Variants in TESMIN observed in about 807,000 individuals in gnomAD.
TESMIN encodes the protein testis expressed metallothionein like protein.
Under a neutral mutation model 47.4 loss-of-function variants are expected in TESMIN, and 34 were observed. The observed-to-expected ratio is 0.72, with a 90% CI of 0.55 to 0.96. The LOEUF is 0.96. Among genes scored for constraint, TESMIN ranks in the 40% least tolerant of loss-of-function variants. TESMIN has a pLI of 0.00. For missense variants in TESMIN, 610 were observed against 637.2 expected, an observed-to-expected ratio of 0.96 and a Z score of 0.46; for synonymous variants, 278 against 258.9, an observed-to-expected ratio of 1.07 and a Z score of -0.71.
intron 9 of TESMIN, among the ~76,000 whole-genome samples, chr11:68,708,759 T>C (rs1055413200): frequency 1.9e-4 from 5 of 25,670 alleles, no homozygotes; most frequent in Non-Finnish European, 3.6e-4. Flanking sequence ...AGTGAGACCC[T>C]TTTTTTTTTT....
intron 6 of TESMIN, among the ~76,000 whole-genome samples, chr11:68,730,415 A>C (rs1452784941): frequency 6.6e-6 from 1 of 152,256 alleles, no homozygotes; most frequent in Non-Finnish European, 1.5e-5. Context: ...TGCTTTAAAA[A>C]ATGATGTAGC....
chr11:68,713,465 A>G (rs899638768), intron 7 of TESMIN, 58 bp from the exon 8 acceptor site: 1 of 1,579,056 alleles, frequency 6.3e-7, no homozygotes. Context: ...ACTCAGCTCA[A>G]TGAAGGGCAT....
At chr11:68,743,548 A>G (rs752709714) in intron 4 of TESMIN, among the ~76,000 whole-genome samples, 50 of 152,088 alleles carry the variant, frequency 3.3e-4, no homozygotes, top group Non-Finnish European at 5.2e-4. Context: ...GGCAGCCAGC[A>G]CTACTTTCGA....
Position 68,750,529 on chromosome 11 carries a change from G to T in TESMIN, c.132C>A (p.Asp44Glu). The T allele has an allele frequency of 6.2e-7, 1 of 1,605,026 alleles. No individual in the cohort carries two copies. The change falls in exon 2 of 10, where the codon GAC becomes GAA. Residue 44 changes from aspartate to glutamate, a missense_variant. By Grantham distance (45) the Asp-to-Glu change is conservative (BLOSUM62 2). Coordinates refer to ENST00000255087, the MANE Select transcript of TESMIN (RefSeq NM_004923.3). Reference sequence around the variant, plus strand: ...ACGCTTCTTTGAAGACGTGGAACTCGTCCTCCTCGTACTTCACGGGGGCCT... The same window carrying T: ...ACGCTTCTTTGAAGACGTGGAACTCTTCCTCCTCGTACTTCACGGGGGCCT... ...GLKAPVKYEE[D>E]EFHVFKEAYL... is the part of the protein sequence containing the mutation.
chr11:68,713,335 G>A lies in TESMIN; in HGVS notation c.1093C>T (p.Gln365Ter). The A allele has an allele frequency of 6.2e-7, 1 of 1,614,116 alleles. No homozygotes were observed. Among genetic ancestry groups the A allele is most frequent in the Non-Finnish European group, 8.5e-7 (1 of 1,180,014 alleles). Residue 365 changes from glutamine (Q) to a stop codon, truncating the protein, a stop_gained, in exon 8 of 10, where the codon CAG becomes TAG. Transcript: ENST00000255087. LOFTEE classifies it high-confidence loss of function. ...CTGCAGTTGCACCCTTTGTTGTGCT[G>A]GGGCTTGACATTGCCCAATTGGCCC... ...GKGQLGNVKP[Q>*]HNKGCNCRRS...
chr11:68,725,433 T>C (rs748108640), intron 6 of TESMIN, among the ~76,000 whole-genome samples: 4 of 152,174 alleles, frequency 2.6e-5, no homozygotes, highest in Non-Finnish European at 4.4e-5. Context: ...AAAGACGCTG[T>C]CCTGGAGGTG....
At position 68,708,488 on chromosome 11, in the gene TESMIN, T is replaced by G. The variant is rs1946023566; in HGVS notation, c.1347A>C (p.Ser449=). 1 of 1,608,392 alleles carries G rather than the reference T, an allele frequency of 6.2e-7. No homozygotes were observed. Among genetic ancestry groups the G allele is most frequent in the Admixed American group, 1.7e-5 (1 of 58,842 alleles). ...PRFSHDRRPS[S]CISWEVVEAT... ...CCTCCACCACCTCCCAGGAGATGCA[T>G]GAGGAAGGCCGCCTGTCAGAAACAG... is the stretch of plus-strand genomic sequence containing the variant. Residue 449 remains serine (S), a synonymous_variant, in exon 10 of 10, where the codon TCA becomes TCC. Coordinates refer to ENST00000255087, the MANE Select transcript of TESMIN (RefSeq NM_004923.3).
At chr11:68,722,542 A>G (rs902748038) in intron 6 of TESMIN, among the ~76,000 whole-genome samples, 2 of 152,224 alleles carry the variant, frequency 1.3e-5, no homozygotes. Context: ...AAAAGTTGTT[A>G]CAAATAAGTC....
chr11:68,738,341 A>G (rs1330417257), intron 6 of TESMIN: 8 of 1,019,796 alleles, frequency 7.8e-6, no homozygotes, highest in African/African-American at 6.9e-5. Flanking sequence ...CTGCCACACC[A>G]TTATTTCCAC....
rs61086251 is a variant in TESMIN at position 68,746,830 on chromosome 11, G to C, written c.630+378C>G. 8.5e-3 allele frequency among the ~76,000 whole-genome samples: 1,296 copies of C among 152,298 alleles called. 18 individuals are homozygous for C. The highest frequency in any genetic ancestry group is 0.03 in the African/African-American group (1,246 of 41,550). On this transcript the variant is annotated intron_variant, in intron 3 of 9. Coordinates refer to ENST00000255087, the MANE Select transcript of TESMIN (RefSeq NM_004923.3). ...ATACAAGCGTTACCTGTTATCATGAGAGATTGGGACACGAAGGAAGCAGGC... is the reference window on the plus strand; with the variant it reads ...ATACAAGCGTTACCTGTTATCATGACAGATTGGGACACGAAGGAAGCAGGC...
intron 1 of TESMIN, 37 bp from the exon 2 acceptor site, chr11:68,750,736 GAGGACGA>G: frequency 8.9e-7 from 1 of 1,121,292 alleles, no homozygotes; most frequent in Non-Finnish European, 1.2e-6. Flanking sequence ...AGCCAGAGGA[GAGGACGA>G]GGGGAGGGGC....
chr11:68,747,406 G>C (rs1946535993), intron 2 of TESMIN, 40 bp from the exon 3 acceptor site: 1 of 1,544,662 alleles, frequency 6.5e-7, no homozygotes. Flanking sequence ...ACACATGGTG[G>C]ACACTGGCTC....
At chr11:68,717,564 AT>A (rs964938615) in intron 6 of TESMIN, among the ~76,000 whole-genome samples, 5 of 152,214 alleles carry the variant, frequency 3.3e-5, no homozygotes, top group African/African-American at 7.2e-5. Flanking sequence ...GTGACAGAAG[AT>A]TTGGACACCA....
At chr11:68,713,654 G>T (rs1428025232) in intron 7 of TESMIN, among the ~76,000 whole-genome samples, 1 of 152,048 alleles carries the variant, frequency 6.6e-6, no homozygotes, top group African/African-American at 2.4e-5. Context: ...CATATTTACT[G>T]TAAAAAAATA....
At chr11:68,732,226 T>C (rs1240503407) in intron 6 of TESMIN, among the ~76,000 whole-genome samples, 2 of 152,240 alleles carry the variant, frequency 1.3e-5, no homozygotes, top group African/African-American at 4.8e-5. Flanking sequence ...GTTCCAATGC[T>C]GACCGAGTGC....
At chr11:68,711,371 ATGTG>A (rs1359574210) in intron 8 of TESMIN, among the ~76,000 whole-genome samples, 2 of 149,900 alleles carry the variant, frequency 1.3e-5, no homozygotes, top group African/African-American at 4.9e-5. Flanking sequence ...GGGTTTGGGT[ATGTG>A]TGTGTATATG....
chr11:68,721,097 T>C (rs540023080), intron 6 of TESMIN, among the ~76,000 whole-genome samples: 6 of 152,334 alleles, frequency 3.9e-5, no homozygotes, highest in African/African-American at 1.2e-4. Flanking sequence ...ATGTTTCCCA[T>C]GTAAATAGAT....
At chr11:68,705,978 G>A (rs991505527), downstream of TESMIN, among the ~76,000 whole-genome samples, 10 of 141,328 alleles carry the variant, frequency 7.1e-5, no homozygotes, top group African/African-American at 1.6e-4. Flanking sequence ...AGCCGAGATC[G>A]CGCCATTGCA....
At chr11:68,722,794 T>C (rs1946217880) in intron 6 of TESMIN, among the ~76,000 whole-genome samples, 1 of 152,104 alleles carries the variant, frequency 6.6e-6, no homozygotes, top group African/African-American at 2.4e-5. Context: ...GAAAAACAAC[T>C]GAAGGCAAAA....
Sources: allele counts gnomAD v4.1 joint callset (sites outside exome capture counted in the v4.1 genomes callset), GRCh38; gene constraint gnomAD v4.1.1; transcripts MANE v1.5; gene names NCBI Gene and HGNC (gene_info 2026-07-23, HGNC 2026-07-21).